DBNDD1: variants seen among roughly 807,000 people sequenced by gnomAD.
The protein encoded by DBNDD1 is dysbindin domain-containing protein 1.
DBNDD1 carries 14 observed loss-of-function variants against 17.0 expected under a neutral mutation model. The ratio of observed to expected loss-of-function variants is 0.82; its 90% confidence interval spans 0.54 to 1.29. The LOEUF (loss-of-function observed/expected upper bound fraction) is 1.29. Ranked by LOEUF, DBNDD1 falls within the 50% of genes most tolerant of loss-of-function variation. The pLI is 0.00. For synonymous variants in DBNDD1, 105 were observed against 102.0 expected (o/e 1.03, Z -0.18); for missense variants, 221 against 216.2 (o/e 1.02, Z -0.14).
chr16:90,012,490 G>A (rs1236469626), intron 1 of DBNDD1, among the ~76,000 whole-genome samples: 4 of 147,870 alleles, frequency 2.7e-5, no homozygotes, highest in African/African-American at 5.0e-5. Flanking sequence ...ATGGAGTTTC[G>A]TTCTTGTTGC....
chr16:90,009,842 G>A, intron 1 of DBNDD1: 1 of 996,076 alleles, frequency 1.0e-6, no homozygotes, highest in Non-Finnish European at 1.5e-6. Flanking sequence ...CCAGCCTCTT[G>A]GTCCCCTTCA....
At chr16:90,015,578 T>C (rs1214625846) in intron 1 of DBNDD1, among the ~76,000 whole-genome samples, 4 of 152,188 alleles carry the variant, frequency 2.6e-5, no homozygotes, top group African/African-American at 9.6e-5. Context: ...CATAGCGTGA[T>C]TCACAGTAGC....
Position 90,019,086 on chromosome 16 carries a change from G to A in DBNDD1, c.31+225C>T, listed in dbSNP as rs1011554218. 9.8e-5 allele frequency among the ~76,000 whole-genome samples: 15 copies of A among 152,340 alleles called. No homozygotes were observed. The highest frequency in any genetic ancestry group is 2.6e-4 in the Admixed American group (4 of 15,310). ...GAGCGTGCCGGGCACGGCTTCCCGG[G>A]CCGGGAGCGCAGAGAACAAGGGGGC... On this transcript the variant is annotated intron_variant, in intron 1 of 3. Transcript: ENST00000002501. The surrounding 1 kb of genome is among the most constrained non-coding windows in gnomAD (Gnocchi z 6.1).
Position 90,009,426 on chromosome 16 carries a change from G to T in DBNDD1, c.36C>A (p.Ile12=). ...CCTGCGGCACCTCAGCCTCCTTAAC[G>T]ATCTCTGCATCCAAAGACACAGTGT... ...EPPEGAGTGE[I]VKEAEVPQAA... Residue 12 remains isoleucine, a synonymous_variant, in exon 2 of 4, where the codon ATC becomes ATA. Coordinates refer to ENST00000002501, the MANE Select transcript of DBNDD1 (RefSeq NM_001042610.3). 1 of 1,610,850 alleles carries T rather than the reference G, an allele frequency of 6.2e-7. No individual in the cohort carries two copies. The highest frequency in any genetic ancestry group is 8.5e-7 in the Non-Finnish European group (1 of 1,179,992).
rs769877718 is a variant in DBNDD1, at chr16:90,006,306, C to A, written c.*29G>T. 2 of 1,587,060 alleles carry A rather than the reference C, an allele frequency of 1.3e-6. No homozygotes were observed. The highest frequency in any genetic ancestry group is 2.7e-5 in the African/African-American group (2 of 74,640). On this transcript the variant is annotated 3_prime_UTR_variant, in exon 4 of 4. Coordinates refer to ENST00000002501, the MANE Select transcript of DBNDD1 (RefSeq NM_001042610.3). Reference sequence around the variant, plus strand: ...CTGCCATCGTGTTCGGACCCCATCCCTGCAGGAGCTGGGGCAGGTGGAGAT... The same window carrying A: ...CTGCCATCGTGTTCGGACCCCATCCATGCAGGAGCTGGGGCAGGTGGAGAT...
At chr16:90,019,855 T>C, upstream of DBNDD1, 1 of 681,078 alleles carries the variant, frequency 1.5e-6, no homozygotes, top group Non-Finnish European at 2.7e-6. The surrounding 1 kb of genome is among the most constrained non-coding windows in gnomAD (Gnocchi z 6.1). Flanking sequence ...CGCTGGGTAA[T>C]GACAGACTCA....
intron 1 of DBNDD1, among the ~76,000 whole-genome samples, chr16:90,018,712 G>A (rs972777361): frequency 1.3e-5 from 2 of 152,170 alleles, no homozygotes; most frequent in Non-Finnish European, 2.9e-5. Flanking sequence ...CGCTCCACGC[G>A]CACCTACCCT....
chr16:90,011,829 G>T (rs1221898680), intron 1 of DBNDD1: 2 of 341,428 alleles, frequency 5.9e-6, no homozygotes, highest in Non-Finnish European at 1.2e-5. Flanking sequence ...CTGTTCTAAG[G>T]CTGTGAGCAG....
chr16:90,019,622 C>T, upstream of DBNDD1: 3 of 393,962 alleles, frequency 7.6e-6, no homozygotes, highest in South Asian at 8.5e-5. The surrounding 1 kb of genome is among the most constrained non-coding windows in gnomAD (Gnocchi z 6.1). Context: ...CGGACCCCTC[C>T]CCCGCCGACC....
intron 3 of DBNDD1, chr16:90,006,961 G>T (rs1261811996): frequency 6.3e-6 from 1 of 159,238 alleles, no homozygotes; most frequent in Non-Finnish European, 1.4e-5. Flanking sequence ...TGGAGCCTCT[G>T]CCCCATCATG....
intron 3 of DBNDD1, chr16:90,007,284 G>C (rs913313542): frequency 6.6e-6 from 1 of 152,518 alleles, no homozygotes; most frequent in Non-Finnish European, 1.5e-5. Flanking sequence ...GCTGGCCACC[G>C]GCAGGAGTCA....
chr16:90,019,701 G>T, upstream of DBNDD1: 1 of 570,784 alleles, frequency 1.8e-6, no homozygotes, highest in Admixed American at 3.7e-5. This position sits in a 1 kb window ranked among gnomAD's most constrained non-coding sequence, Gnocchi z 6.1. Context: ...GACCCCGGCC[G>T]GGCGTCCGGG....
chr16:90,014,638 G>A (rs2035609458), intron 1 of DBNDD1, among the ~76,000 whole-genome samples: 1 of 152,166 alleles, frequency 6.6e-6, no homozygotes, highest in Admixed American at 6.5e-5. Flanking sequence ...GACAGCTTCT[G>A]GGACAAAGCT....
intron 1 of DBNDD1, among the ~76,000 whole-genome samples, chr16:90,014,890 A>C (rs987782563): frequency 6.6e-6 from 1 of 151,946 alleles, no homozygotes; most frequent in Admixed American, 6.6e-5. Context: ...CTGTAGTCCC[A>C]GCTACTCAGG....
intron 1 of DBNDD1, among the ~76,000 whole-genome samples, chr16:90,014,885 G>A (rs2035613617): frequency 6.6e-6 from 1 of 151,762 alleles, no homozygotes; most frequent in Admixed American, 6.6e-5. Context: ...CGTGCCTGTA[G>A]TCCCAGCTAC....
upstream of DBNDD1, chr16:90,019,586 G>C (rs1471128622): frequency 8.0e-6 from 2 of 249,440 alleles, no homozygotes; most frequent in African/African-American, 2.3e-5. This position sits in a 1 kb window ranked among gnomAD's most constrained non-coding sequence, Gnocchi z 6.1. Flanking sequence ...CGGCCCGCGC[G>C]CGCCCCCTGC....
chr16:90,012,700 C>A lies in DBNDD1; in HGVS notation c.32-3270G>T, dbSNP rs59056945. On this transcript the variant is annotated intron_variant, in intron 1 of 3. Transcript: ENST00000002501. ...TCTCAAACTCCTGACCTCAGGTGAT[C>A]CGTCTGCCTCGGCCTCCCAAAGTGC... Among the ~76,000 whole-genome samples, 1,003 of 152,062 alleles carry A rather than the reference C, an allele frequency of 6.6e-3. 8 individuals are homozygous for A. The highest frequency in any genetic ancestry group is 0.023 in the African/African-American group (948 of 41,462).
rs114574896 is a variant in DBNDD1 at position 90,015,699 on chromosome 16, G to A, written c.31+3612C>T. On this transcript the variant is annotated intron_variant, in intron 1 of 3. Coordinates refer to ENST00000002501, the MANE Select transcript of DBNDD1 (RefSeq NM_001042610.3). ...CAAGAAGGACGGCGGTACTGACACC[G>A]GATATCACATGCATGAGCCTGATCA... Among the ~76,000 whole-genome samples, 872 of 152,280 alleles carry A rather than the reference G, an allele frequency of 5.7e-3. 6 individuals carry two copies. The highest frequency in any genetic ancestry group is 0.019 in the African/African-American group (779 of 41,542).
At chr16:90,014,169 C>T (rs1311179638) in intron 1 of DBNDD1, among the ~76,000 whole-genome samples, 6 of 151,658 alleles carry the variant, frequency 4.0e-5, no homozygotes, top group African/African-American at 1.2e-4. Context: ...GCTCTGTCAC[C>T]AGGCTGGAGG....
Sources: gnomAD v4.1 joint callset for allele counts (sites outside exome capture counted in the v4.1 genomes callset) on GRCh38, gnomAD v4.1.1 for gene constraint, Gnocchi (gnomAD v3.1) non-coding constraint, MANE v1.5 for transcripts, NCBI Gene and HGNC (gene_info 2026-07-23, HGNC 2026-07-21) for gene names.